Variants in ZFPM2 observed in about 807,000 individuals in gnomAD.
ZFPM2 encodes the protein zinc finger protein, FOG family member 2, also known as zinc finger protein ZFPM2.
In ZFPM2, 20 loss-of-function variants were observed where a neutral mutation model predicts 98.6. That is an observed-to-expected ratio of 0.20 (90% CI 0.14 to 0.29). ZFPM2 has a LOEUF of 0.29. Among genes scored for constraint, ZFPM2 ranks in the 10% least tolerant of loss-of-function variants. ZFPM2 has a pLI of 1.00. For missense variants in ZFPM2, 1,310 were observed against 1,388.6 expected (o/e 0.94, Z 0.90); for synonymous variants, 518 against 502.7 (o/e 1.03, Z -0.41).
chr8:105,636,426 C>A (rs10505078), intron 5 of ZFPM2, among the ~76,000 whole-genome samples: 16,451 of 152,090 alleles, frequency 0.11, 1,070 homozygotes, highest in South Asian at 0.21. Context: ...ATTTATTGGG[C>A]ACACCTTGAA....
chr8:105,540,587 A>G (rs540646243), intron 3 of ZFPM2, among the ~76,000 whole-genome samples: 1 of 152,260 alleles, frequency 6.6e-6, no homozygotes, highest in South Asian at 2.1e-4. Context: ...ATGTAAGTTT[A>G]TTGGATTTAA....
intron 5 of ZFPM2, among the ~76,000 whole-genome samples, chr8:105,670,352 TGGGCGCGGTGGC>T (rs1817568796): frequency 6.6e-6 from 1 of 151,850 alleles, no homozygotes; most frequent in Non-Finnish European, 1.5e-5. Flanking sequence ...AAAAATTAGC[TGGGCGCGGTGGC>T]GGGCGCCTGT....
intron 3 of ZFPM2, among the ~76,000 whole-genome samples, chr8:105,501,788 T>A (rs2130473926): frequency 6.6e-6 from 1 of 152,284 alleles, no homozygotes; most frequent in African/African-American, 2.4e-5. Flanking sequence ...CCCATCTTCT[T>A]TTCTTTATGA....
At chr8:105,485,717 G>A (rs1813218522) in intron 3 of ZFPM2, among the ~76,000 whole-genome samples, 1 of 152,082 alleles carries the variant, frequency 6.6e-6, no homozygotes, top group South Asian at 2.1e-4. Flanking sequence ...GATTTCAAGA[G>A]CAAAGACAGA....
intron 3 of ZFPM2, among the ~76,000 whole-genome samples, chr8:105,469,981 C>T (rs1286677902): frequency 6.6e-6 from 1 of 152,016 alleles, no homozygotes; most frequent in Non-Finnish European, 1.5e-5. Context: ...ATTTTACTAC[C>T]CAATAAGTAC....
intron 6 of ZFPM2, among the ~76,000 whole-genome samples, chr8:105,793,491 C>T (rs566836441): frequency 1.1e-4 from 17 of 152,116 alleles, no homozygotes; most frequent in Admixed American, 7.9e-4. Flanking sequence ...GTGGGTAACC[C>T]GTCCTTTCTC....
At chr8:105,466,462 G>A (rs1011756979) in intron 3 of ZFPM2, among the ~76,000 whole-genome samples, 7 of 152,028 alleles carry the variant, frequency 4.6e-5, no homozygotes, top group Admixed American at 3.9e-4. Flanking sequence ...TGGGATGTTA[G>A]TGATATTCTA....
At chr8:105,602,469 T>C (rs910718023) in intron 4 of ZFPM2, among the ~76,000 whole-genome samples, 1 of 152,132 alleles carries the variant, frequency 6.6e-6, no homozygotes. Flanking sequence ...TTATGTTCCC[T>C]ACCTGACCTT....
intron 3 of ZFPM2, among the ~76,000 whole-genome samples, chr8:105,532,470 G>A (rs544215330): frequency 3.8e-4 from 58 of 152,148 alleles, no homozygotes; most frequent in Non-Finnish European, 6.5e-4. Flanking sequence ...TAATTTTTGA[G>A]TGGTATTGCT....
At chr8:105,529,904 T>C (rs1381283134) in intron 3 of ZFPM2, among the ~76,000 whole-genome samples, 2 of 152,050 alleles carry the variant, frequency 1.3e-5, no homozygotes, top group Non-Finnish European at 2.9e-5. Context: ...CTAATTTTTC[T>C]ATTTTTAGTA....
chr8:105,533,691 TTCCCTCCCTCCC>T (rs1223907803), intron 3 of ZFPM2, among the ~76,000 whole-genome samples: 1 of 115,182 alleles, frequency 8.7e-6, no homozygotes, highest in Admixed American at 9.9e-5. Flanking sequence ...CCCTCCGTCC[TTCCCTCCCTCCC>T]TCCCTCCTTA....
chr8:105,664,150 G>T (rs542325205), intron 5 of ZFPM2, among the ~76,000 whole-genome samples: 1 of 152,054 alleles, frequency 6.6e-6, no homozygotes, highest in Non-Finnish European at 1.5e-5. Flanking sequence ...AAACTGTATC[G>T]ATGACTTTTG....
At chr8:105,575,495 G>A (rs138507606) in intron 4 of ZFPM2, among the ~76,000 whole-genome samples, 1 of 152,254 alleles carries the variant, frequency 6.6e-6, no homozygotes, top group African/African-American at 2.4e-5. Flanking sequence ...ATATGGCAGA[G>A]GCCCTTAATG....
chr8:105,372,001 T>G (rs1810630081), intron 1 of ZFPM2, among the ~76,000 whole-genome samples: 1 of 146,624 alleles, frequency 6.8e-6, no homozygotes, highest in Non-Finnish European at 1.5e-5. Context: ...ATAAAAATAG[T>G]GAAATTATTA....
intron 5 of ZFPM2, among the ~76,000 whole-genome samples, chr8:105,764,247 A>G (rs1290419819): frequency 6.7e-6 from 1 of 150,262 alleles, no homozygotes; most frequent in Non-Finnish European, 1.5e-5. Context: ...AGCTAGATCA[A>G]GGTTTAAAAC....
chr8:105,389,870 A>G (rs116583319), intron 1 of ZFPM2, among the ~76,000 whole-genome samples: 1,931 of 152,316 alleles, frequency 0.013, 28 homozygotes, highest in African/African-American at 0.044. Flanking sequence ...TTAGACCTCT[A>G]GATAAGGAGA....
chr8:105,642,106 A>G (rs1339608770), intron 5 of ZFPM2, among the ~76,000 whole-genome samples: 2 of 152,120 alleles, frequency 1.3e-5, no homozygotes, highest in Non-Finnish European at 2.9e-5. Flanking sequence ...TACCCCCAAA[A>G]GTATCTTTGT....
rs59508731 is a variant in ZFPM2, at chr8:105,501,497, CT to C, written c.301+57128del. ...ACTGCGCCCAGCTCAATTTACTTTT[CT>C]TTTTTTTTTTTCTTTTCTTTTTTGA... On this transcript the variant is annotated intron_variant, in intron 3 of 7. Transcript: ENST00000407775. Among the ~76,000 whole-genome samples the C allele has an allele frequency of 1.7e-3, 239 of 141,090 alleles. 2 individuals carry two copies. Among genetic ancestry groups the C allele is most frequent in the African/African-American group, 4.2e-3 (162 of 38,570 alleles). 92.6% of individuals were successfully genotyped at this position (141,090 alleles called of 152,430 possible).
chr8:105,483,935 C>T (rs547426218), intron 3 of ZFPM2, among the ~76,000 whole-genome samples: 23 of 151,838 alleles, frequency 1.5e-4, no homozygotes, highest in Admixed American at 1.1e-3. Flanking sequence ...TGGGTTTCAC[C>T]GTGTTATCCA....
Sources: gnomAD v4.1 joint callset for allele counts (sites outside exome capture counted in the v4.1 genomes callset) on GRCh38, gnomAD v4.1.1 for gene constraint, MANE v1.5 for transcripts, NCBI Gene and HGNC (gene_info 2026-07-23, HGNC 2026-07-21) for gene names.